Variants in MMP16 observed in about 807,000 individuals in gnomAD.
The protein encoded by MMP16 is matrix metalloproteinase-16.
In MMP16, 12 loss-of-function variants were observed where a neutral mutation model predicts 67.8. That is an observed-to-expected ratio of 0.18 (90% CI 0.11 to 0.29). The LOEUF (loss-of-function observed/expected upper bound fraction) is 0.29. Ranked by LOEUF, MMP16 falls within the 10% of genes least tolerant of loss-of-function variation. The pLI, the probability that MMP16 is intolerant of heterozygous loss-of-function variation, is 1.00. For missense variants in MMP16, 475 were observed against 765.7 expected (o/e 0.62, Z 4.48); for synonymous variants, 249 against 255.9 (o/e 0.97, Z 0.26).
intron 6 of MMP16, among the ~76,000 whole-genome samples, chr8:88,114,722 G>A (rs1275140648): frequency 6.6e-6 from 1 of 151,938 alleles, no homozygotes; most frequent in Admixed American, 6.6e-5. Flanking sequence ...TGGAATTATT[G>A]ACAAAATGAA....
intron 1 of MMP16, among the ~76,000 whole-genome samples, chr8:88,205,131 T>A: frequency 6.6e-6 from 1 of 152,208 alleles, no homozygotes; most frequent in Admixed American, 6.5e-5. Context: ...TTATAGTAAG[T>A]TCTCATATTC....
At chr8:88,182,733 A>G (rs1308813351) in intron 3 of MMP16, among the ~76,000 whole-genome samples, 2 of 152,110 alleles carry the variant, frequency 1.3e-5, no homozygotes, top group Non-Finnish European at 2.9e-5. Flanking sequence ...TTAAAAATTT[A>G]TGCCTACACA....
chr8:88,106,817 T>C (rs1021194909), intron 6 of MMP16, among the ~76,000 whole-genome samples: 6 of 151,330 alleles, frequency 4.0e-5, no homozygotes, highest in African/African-American at 1.4e-4. Flanking sequence ...AAGCCCATTA[T>C]AATTTTTAAA....
At chr8:88,220,778 C>T (rs968550190) in intron 1 of MMP16, among the ~76,000 whole-genome samples, 34 of 152,144 alleles carry the variant, frequency 2.2e-4, no homozygotes, top group Admixed American at 9.8e-4. Flanking sequence ...TGCTCTGTTC[C>T]ACCCAAACTA....
intron 1 of MMP16, among the ~76,000 whole-genome samples, chr8:88,231,756 G>A (rs1211450665): frequency 6.6e-6 from 1 of 152,110 alleles, no homozygotes; most frequent in Non-Finnish European, 1.5e-5. Flanking sequence ...CCAAATGATT[G>A]TAACTTCTTT....
chr8:88,153,365 C>G (rs1036853163), intron 4 of MMP16, among the ~76,000 whole-genome samples: 11 of 151,966 alleles, frequency 7.2e-5, no homozygotes, highest in Admixed American at 3.3e-4. Context: ...GAAAAAACTA[C>G]TTTAAAGTTC....
intron 3 of MMP16, among the ~76,000 whole-genome samples, chr8:88,181,518 T>C (rs1409607528): frequency 1.3e-5 from 2 of 151,554 alleles, no homozygotes; most frequent in East Asian, 3.9e-4. Flanking sequence ...ATGAAAGAAT[T>C]CAAAGATCTC....
intron 1 of MMP16, among the ~76,000 whole-genome samples, chr8:88,272,342 A>G (rs1810577070): frequency 6.6e-6 from 1 of 152,220 alleles, no homozygotes; most frequent in South Asian, 2.1e-4. Context: ...ATGTCAGAGT[A>G]AGAAAAATAG....
chr8:88,090,386 A>G (rs1284641263), intron 6 of MMP16, among the ~76,000 whole-genome samples: 1 of 151,980 alleles, frequency 6.6e-6, no homozygotes, highest in Non-Finnish European at 1.5e-5. Context: ...TTTTGCTTTA[A>G]TTTTATAATT....
intron 1 of MMP16, among the ~76,000 whole-genome samples, chr8:88,267,305 A>G (rs1810490877): frequency 6.6e-6 from 1 of 152,340 alleles, no homozygotes; most frequent in African/African-American, 2.4e-5. Context: ...CCCAAGACAC[A>G]TCACAGCTAG....
At chr8:88,179,621 T>G (rs1485089943) in intron 3 of MMP16, among the ~76,000 whole-genome samples, 1 of 152,152 alleles carries the variant, frequency 6.6e-6, no homozygotes, top group Non-Finnish European at 1.5e-5. Flanking sequence ...ACAAAAATAA[T>G]GTATTGGGTT....
intron 6 of MMP16, among the ~76,000 whole-genome samples, chr8:88,093,473 C>G (rs1488180166): frequency 6.6e-6 from 1 of 151,640 alleles, no homozygotes; most frequent in Non-Finnish European, 1.5e-5. Flanking sequence ...GGTCCATAAA[C>G]CTAAAGACTA....
intron 1 of MMP16, among the ~76,000 whole-genome samples, chr8:88,317,206 A>G (rs1811387366): frequency 6.6e-6 from 1 of 152,198 alleles, no homozygotes; most frequent in Non-Finnish European, 1.5e-5. Flanking sequence ...GTGGGTAAAA[A>G]TACTATCAAA....
chr8:88,068,569 A>T (rs535599957), intron 7 of MMP16, among the ~76,000 whole-genome samples: 1 of 152,138 alleles, frequency 6.6e-6, no homozygotes, highest in Non-Finnish European at 1.5e-5. Flanking sequence ...ATAGTACAGG[A>T]TGTGAATTGG....
At chr8:88,061,722 G>A (rs916086831) in intron 7 of MMP16, among the ~76,000 whole-genome samples, 1 of 152,000 alleles carries the variant, frequency 6.6e-6, no homozygotes, top group Admixed American at 6.6e-5. Context: ...ATAGGAAATT[G>A]TTATTATTCT....
At chr8:88,087,002 T>C (rs1291785399) in intron 6 of MMP16, among the ~76,000 whole-genome samples, 1 of 151,820 alleles carries the variant, frequency 6.6e-6, no homozygotes, top group African/African-American at 2.4e-5. Flanking sequence ...GCAAATCTTT[T>C]GCTTGGCCAG....
chr8:88,132,801 G>C (rs527977618), intron 4 of MMP16, among the ~76,000 whole-genome samples: 15 of 151,998 alleles, frequency 9.9e-5, no homozygotes, highest in African/African-American at 3.1e-4. Context: ...TGGCTCACTG[G>C]TGGCCATTTG....
intron 1 of MMP16, among the ~76,000 whole-genome samples, chr8:88,217,649 C>A (rs1421983218): frequency 6.6e-6 from 1 of 152,010 alleles, no homozygotes; most frequent in African/African-American, 2.4e-5. Context: ...CCTGCCTCTG[C>A]ATGCCACAGA....
chr8:88,104,737 C>T (rs141171102), intron 6 of MMP16, among the ~76,000 whole-genome samples: 162 of 151,458 alleles, frequency 1.1e-3, no homozygotes, highest in African/African-American at 3.5e-3. Context: ...AAAGGTCCTT[C>T]GGGAGGTATT....
Sources: allele counts gnomAD v4.1 joint callset (sites outside exome capture counted in the v4.1 genomes callset), GRCh38; gene constraint gnomAD v4.1.1; transcripts MANE v1.5; gene names NCBI Gene and HGNC (gene_info 2026-07-23, HGNC 2026-07-21).